ARAP2: variants seen among roughly 807,000 people sequenced by gnomAD.
The protein encoded by ARAP2 is arf-GAP with Rho-GAP domain, ANK repeat and PH domain-containing protein 2.
ARAP2 carries 148 observed loss-of-function variants against 194.5 expected under a neutral mutation model. The observed-to-expected ratio is 0.76, with a 90% CI of 0.67 to 0.87. The LOEUF is 0.87. Among genes scored for constraint, ARAP2 ranks in the 40% least tolerant of loss-of-function variants. The pLI is 0.00. For synonymous variants in ARAP2, 695 were observed against 683.5 expected, an observed-to-expected ratio of 1.02 and a Z score of -0.26; for missense variants, 2,128 against 1,989.7, an observed-to-expected ratio of 1.07 and a Z score of -1.32.
chr4:36,101,891 G>T (rs868464318), intron 27 of ARAP2, among the ~76,000 whole-genome samples: 14 of 151,880 alleles, frequency 9.2e-5, no homozygotes, highest in Admixed American at 2.6e-4. Context: ...AACAATACGT[G>T]TCCAGGTGCC....
intron 19 of ARAP2, among the ~76,000 whole-genome samples, chr4:36,136,026 A>G (rs187110267): frequency 1.4e-4 from 22 of 151,904 alleles, no homozygotes; most frequent in Non-Finnish European, 2.7e-4. Flanking sequence ...GAAGAGTAGA[A>G]CTTTCTCAAC....
intron 6 of ARAP2, among the ~76,000 whole-genome samples, chr4:36,016,855 C>A (rs995197939): frequency 1.3e-5 from 2 of 152,124 alleles, no homozygotes; most frequent in Non-Finnish European, 2.9e-5. Flanking sequence ...GTCTGTCACC[C>A]TTATTCAATG....
chr4:36,184,210 G>A (rs1186467474), intron 8 of ARAP2, among the ~76,000 whole-genome samples: 1 of 151,266 alleles, frequency 6.6e-6, no homozygotes, highest in African/African-American at 2.4e-5. Flanking sequence ...AGTGTATTAA[G>A]TACACTTAAT....
At chr4:36,094,909 C>T (rs1334616755) in intron 27 of ARAP2, among the ~76,000 whole-genome samples, 1 of 152,132 alleles carries the variant, frequency 6.6e-6, no homozygotes, top group Non-Finnish European at 1.5e-5. Context: ...CATCAGAATT[C>T]AAAGTCAGGT....
intron 21 of ARAP2, among the ~76,000 whole-genome samples, chr4:36,126,834 G>A (rs570239261): frequency 3.9e-5 from 6 of 151,902 alleles, no homozygotes; most frequent in Non-Finnish European, 5.9e-5. Flanking sequence ...TATATTTGTC[G>A]CTGTTGTTGT....
At chr4:36,104,608 C>A (rs566508346) in intron 27 of ARAP2, among the ~76,000 whole-genome samples, 5 of 152,012 alleles carry the variant, frequency 3.3e-5, no homozygotes, top group South Asian at 2.1e-4. Context: ...GAAAAAATCA[C>A]GACTTAAGAA....
chr4:36,137,668 A>C (rs1233569782), intron 19 of ARAP2, among the ~76,000 whole-genome samples: 1 of 151,728 alleles, frequency 6.6e-6, no homozygotes, highest in Non-Finnish European at 1.5e-5. Flanking sequence ...TATGACTAGG[A>C]AACTAAGAGC....
intron 6 of ARAP2, among the ~76,000 whole-genome samples, chr4:36,204,652 T>C (rs1200785547): frequency 6.6e-6 from 1 of 152,110 alleles, no homozygotes; most frequent in African/African-American, 2.4e-5. Context: ...CAGAGATTCA[T>C]ATGTTGAGGA....
At chr4:36,207,756 T>TGA (rs1298935868) in intron 6 of ARAP2, among the ~76,000 whole-genome samples, 3 of 152,124 alleles carry the variant, frequency 2.0e-5, no homozygotes, top group African/African-American at 7.2e-5. Context: ...TTTATGTGCA[T>TGA]GTCTTTAAGG....
At chr4:36,215,104 T>C (rs191575988) in intron 2 of ARAP2, among the ~76,000 whole-genome samples, 107 of 152,152 alleles carry the variant, frequency 7.0e-4, no homozygotes, top group African/African-American at 2.4e-3. Flanking sequence ...TATAACAGAG[T>C]TCTCTTTTCC....
intron 5 of ARAP2, among the ~76,000 whole-genome samples, chr4:36,029,498 T>C (rs1346526221): frequency 6.6e-6 from 1 of 152,070 alleles, no homozygotes; most frequent in African/African-American, 2.4e-5. Flanking sequence ...TCTTATTGAA[T>C]ATCTTTATTT....
chr4:36,187,826 A>G (rs1341654915), intron 7 of ARAP2, among the ~76,000 whole-genome samples: 1 of 152,254 alleles, frequency 6.6e-6, no homozygotes, highest in Non-Finnish European at 1.5e-5. Flanking sequence ...AGAATCAAAT[A>G]CAAACAATCC....
chr4:36,073,625 C>T (rs1205386474), intron 32 of ARAP2, 64 bp downstream of exon 32: 15 of 1,535,494 alleles, frequency 9.8e-6, no homozygotes, highest in African/African-American at 1.4e-5. Flanking sequence ...ATGACCTAAT[C>T]ACATTATGAC....
intron 5 of ARAP2, among the ~76,000 whole-genome samples, chr4:36,028,439 T>A (rs1034407805): frequency 3.3e-5 from 5 of 152,040 alleles, no homozygotes; most frequent in Non-Finnish European, 7.4e-5. Context: ...TTTTTACTGG[T>A]TATTTTTCCT....
At chr4:36,073,969 C>T in intron 31 of ARAP2, 146 bp from the exon 32 acceptor site, 28 of 1,035,550 alleles carry the variant, frequency 2.7e-5, no homozygotes, top group Non-Finnish European at 3.9e-5. Flanking sequence ...GATGTTGACT[C>T]TGGTGGCAGC....
rs540032014 is a variant in ARAP2 at position 36,244,181 on chromosome 4, T to A, written c.-162A>T. ...TTCCCGAGGCCCCGGGTACTCGCCT[T>A]GCGCTCGGGTCGCGGAGTTCGAAAA... On this transcript the variant is annotated splice_region_variant and 5_prime_UTR_variant, in exon 1 of 33. Transcript: ENST00000303965. 2.7e-3 allele frequency: 404 copies of A among 152,220 alleles called. No homozygotes were observed. The highest frequency in any genetic ancestry group is 5.0e-3 in the Non-Finnish European group (338 of 68,064). The allele number at this position is 152,220 out of a possible 1,614,324, so 9.4% of individuals were successfully genotyped here.
intron 6 of ARAP2, among the ~76,000 whole-genome samples, chr4:36,199,548 C>A (rs1182575397): frequency 6.6e-6 from 1 of 152,134 alleles, no homozygotes; most frequent in East Asian, 1.9e-4. Context: ...CCTGGACCTC[C>A]CAAAATGCTG....
intron 24 of ARAP2, among the ~76,000 whole-genome samples, chr4:36,117,627 A>G (rs1035005567): frequency 6.6e-6 from 1 of 151,702 alleles, no homozygotes; most frequent in African/African-American, 2.4e-5. Context: ...TATGCCTGAA[A>G]ATTGAACTTT....
chr4:36,213,285 A>G lies in ARAP2; in HGVS notation c.999T>C (p.Pro333=). The change falls in exon 4 of 33, where the codon CCT becomes CCC. Residue 333 remains proline (P), a synonymous_variant. Coordinates refer to ENST00000303965, the MANE Select transcript of ARAP2 (RefSeq NM_015230.4). Reference sequence around the variant, plus strand: ...TCTGGAAGAGAAAGGTCTCTCCATAAGGAAAGATGGAAGATGAATTCTCCT... The same window carrying G: ...TCTGGAAGAGAAAGGTCTCTCCATAGGGAAAGATGGAAGATGAATTCTCCT... ...SNEENSSSIF[P]YGETFLFQRL... 6.2e-7 allele frequency: 1 copy of G among 1,608,754 alleles called. No homozygotes were observed. The highest frequency in any genetic ancestry group is 1.3e-5 in the African/African-American group (1 of 74,888).
Sources: gnomAD v4.1 joint callset for allele counts (sites outside exome capture counted in the v4.1 genomes callset) on GRCh38, gnomAD v4.1.1 for gene constraint, MANE v1.5 for transcripts, NCBI Gene and HGNC (gene_info 2026-07-23, HGNC 2026-07-21) for gene names.